EFNA3: variants seen among roughly 807,000 people sequenced by gnomAD.
EFNA3 encodes ephrin-A3.
EFNA3 carries 15 observed loss-of-function variants against 25.0 expected under a neutral mutation model. The observed-to-expected ratio is 0.60, with a 90% CI of 0.40 to 0.92. EFNA3 has a LOEUF of 0.92. Ranked by LOEUF, EFNA3 falls within the 40% of genes least tolerant of loss-of-function variation. The pLI is 0.00. For missense variants in EFNA3, 298 were observed against 323.8 expected, an observed-to-expected ratio of 0.92 and a Z score of 0.61; for synonymous variants, 153 against 145.6, an observed-to-expected ratio of 1.05 and a Z score of -0.37.
In EFNA3 at chr1:155,081,597, CTG is replaced by C. The variant is rs1456363370; in HGVS notation, c.128+2532_128+2533del. 6.6e-6 allele frequency among the ~76,000 whole-genome samples: 1 copy of C among 152,190 alleles called. No homozygotes were observed. The highest frequency in any genetic ancestry group is 1.5e-5 in the Non-Finnish European group (1 of 68,032). On this transcript the variant is annotated intron_variant, in intron 1 of 4. Transcript: ENST00000368408. The surrounding 1 kb of genome is among the most constrained non-coding windows in gnomAD (Gnocchi z 5.2). ...CTACTACGTCCCTGATGGTCTTTCTCTGTGTTTTCTCCCAGTCTCTGAGTCTC... is the reference window on the plus strand; with the variant it reads ...CTACTACGTCCCTGATGGTCTTTCTCTGTTTTCTCCCAGTCTCTGAGTCTC...
intron 1 of EFNA3, among the ~76,000 whole-genome samples, chr1:155,084,289 C>T (rs1416468800): frequency 6.6e-6 from 1 of 152,228 alleles, no homozygotes; most frequent in Non-Finnish European, 1.5e-5. Flanking sequence ...GGGAGCCTAA[C>T]TGTCCTTGGC....
Position 155,079,120 on chromosome 1 carries a change from A to G in EFNA3, c.128+51A>G. 7.9e-7 allele frequency: 1 copy of G among 1,267,180 alleles called. No individual in the cohort carries two copies. Among genetic ancestry groups the G allele is most frequent in the South Asian group, 2.9e-5 (1 of 35,086 alleles). 78.5% of individuals were successfully genotyped at this position (1,267,180 alleles called of 1,614,324 possible). A position where few individuals can be genotyped will look rare whatever the true frequency, so the allele number is the denominator to read the frequency against. ...CGCGTCCCGTCTCAGTGAGAGGGGG[A>G]GCCGGTGGGCCCGAGAAGTCCTGGG... On this transcript the variant is annotated intron_variant, in intron 1 of 4. Transcript: ENST00000368408. This position sits in a 1 kb window ranked among gnomAD's most constrained non-coding sequence, Gnocchi z 7.7.
chr1:155,079,060 C>A lies in EFNA3; in HGVS notation c.119C>A (p.Ser40Tyr). The A allele has an allele frequency of 7.4e-7, 1 of 1,357,322 alleles. No individual in the cohort carries two copies. 84.1% of individuals were successfully genotyped at this position (1,357,322 alleles called of 1,614,324 possible). The change falls in exon 1 of 5, where the codon TCC (serine) becomes TAC (tyrosine). Residue 40 changes from serine (S) to tyrosine (Y), a missense_variant. Physicochemically the swap from Ser to Tyr is moderately radical, Grantham distance 144. Coordinates refer to ENST00000368408, the MANE Select transcript of EFNA3 (RefSeq NM_004952.5). The surrounding 1 kb of genome is among the most constrained non-coding windows in gnomAD (Gnocchi z 7.7). Reference sequence around the variant, plus strand: ...CGGCATGCGGTGTACTGGAACAGCTCCAACCAGCAGTGAGTCGGGGACCCT... The same window carrying A: ...CGGCATGCGGTGTACTGGAACAGCTACAACCAGCAGTGAGTCGGGGACCCT... Reference protein sequence around the residue: ...GNRHAVYWNSSNQHLRREGYT... With the variant: ...GNRHAVYWNSYNQHLRREGYT...
At position 155,086,108 on chromosome 1, in the gene EFNA3, A is replaced by ACCCCCCCCCCCCCCCC; in HGVS notation, c.509-17_509-16insCCCCCCCCCCCCCCCC. On this transcript the variant is annotated intron_variant, in intron 3 of 4. Coordinates refer to ENST00000368408, the MANE Select transcript of EFNA3 (RefSeq NM_004952.5). The stretch of plus-strand genomic sequence containing the variant: ...CCTGACTCTCCCCTCCTCTCTCCCC[A>ACCCCCCCCCCCCCCCC]CCCGCACCCCACCCCGCAGCATCGC... 1 of 973,106 alleles carries ACCCCCCCCCCCCCCCC rather than the reference A, an allele frequency of 1.0e-6. No individual in the cohort carries two copies. Among genetic ancestry groups the ACCCCCCCCCCCCCCCC allele is most frequent in the Non-Finnish European group, 1.5e-6 (1 of 657,894 alleles). The allele number at this position is 973,106 out of a possible 1,614,324, so 60.3% of individuals were successfully genotyped here.
chr1:155,085,164 A>T lies in EFNA3; in HGVS notation c.202A>T (p.Ser68Cys). 6.2e-7 allele frequency: 1 copy of T among 1,613,218 alleles called. No homozygotes were observed. Among genetic ancestry groups the T allele is most frequent in the Non-Finnish European group, 8.5e-7 (1 of 1,179,918 alleles). The change falls in exon 2 of 5, where the codon AGC becomes TGC. Residue 68 changes from serine (S) to cysteine (C), a missense_variant. Physicochemically the swap from Ser to Cys is moderately radical, Grantham distance 112. Coordinates refer to ENST00000368408, the MANE Select transcript of EFNA3 (RefSeq NM_004952.5). The surrounding 1 kb of genome is among the most constrained non-coding windows in gnomAD (Gnocchi z 4.4). The stretch of plus-strand genomic sequence containing the variant: ...GGATATTTACTGCCCGCACTACAAC[A>T]GCTCGGGGGTGGGCCCCGGGGCGGG... ...YLDIYCPHYN[S>C]SGVGPGAGPG...
chr1:155,084,559 C>G (rs1663412829), intron 1 of EFNA3, among the ~76,000 whole-genome samples: 1 of 152,250 alleles, frequency 6.6e-6, no homozygotes, highest in Non-Finnish European at 1.5e-5. Context: ...TCCTGTTGGA[C>G]TGGCCTCCGG....
rs1316865483 is a variant in EFNA3 at position 155,079,411 on chromosome 1, T to C, written c.128+342T>C. On this transcript the variant is annotated intron_variant, in intron 1 of 4. Transcript: ENST00000368408. This position sits in a 1 kb window ranked among gnomAD's most constrained non-coding sequence, Gnocchi z 7.7. ...CTGGGGTTTGGGGGTAGCGCTGTGC[T>C]GGGGATAGGCCGCTGCATTTTGGGG... is the stretch of plus-strand genomic sequence containing the variant. Among the ~76,000 whole-genome samples the C allele has an allele frequency of 6.6e-6, 1 of 152,124 alleles. No individual in the cohort carries two copies. The highest frequency in any genetic ancestry group is 1.5e-5 in the Non-Finnish European group (1 of 68,008).
Position 155,085,500 on chromosome 1 carries a change from G to C in EFNA3, c.442+96G>C. On this transcript the variant is annotated intron_variant, in intron 2 of 4. Transcript: ENST00000368408. The surrounding 1 kb of genome is among the most constrained non-coding windows in gnomAD (Gnocchi z 4.4). ...TAGGCTCCGGGGCGGGGCCGGCGCG[G>C]CGGGCGCCAGGTCTCGCGGCTGAGA... 7.1e-7 allele frequency: 1 copy of C among 1,406,092 alleles called. No homozygotes were observed. The highest frequency in any genetic ancestry group is 2.5e-5 in the East Asian group (1 of 39,620). 87.1% of individuals were successfully genotyped at this position (1,406,092 alleles called of 1,614,324 possible).
At position 155,086,108 on chromosome 1, in the gene EFNA3, A is replaced by ACCCCCCCC; in HGVS notation, c.509-17_509-16insCCCCCCCC. 1 of 973,116 alleles carries ACCCCCCCC rather than the reference A, an allele frequency of 1.0e-6. No homozygotes were observed. The highest frequency in any genetic ancestry group is 1.5e-6 in the Non-Finnish European group (1 of 657,898). The allele number at this position is 973,116 out of a possible 1,614,324, so 60.3% of individuals were successfully genotyped here. Reference sequence around the variant, plus strand: ...CCTGACTCTCCCCTCCTCTCTCCCCACCCGCACCCCACCCCGCAGCATCGC... The same window carrying ACCCCCCCC: ...CCTGACTCTCCCCTCCTCTCTCCCCACCCCCCCCCCCGCACCCCACCCCGCAGCATCGC... On this transcript the variant is annotated intron_variant, in intron 3 of 4. Coordinates refer to ENST00000368408, the MANE Select transcript of EFNA3 (RefSeq NM_004952.5).
At position 155,085,868 on chromosome 1, in the gene EFNA3, C is replaced by T. The variant is rs1212362661; in HGVS notation, c.443-9C>T. On this transcript the variant is annotated splice_polypyrimidine_tract_variant and intron_variant, in intron 2 of 4. Transcript: ENST00000368408. This position sits in a 1 kb window ranked among gnomAD's most constrained non-coding sequence, Gnocchi z 4.4. ...GGCGAAAGTGACTCAGGCCCGGTCT[C>T]CTCCCCAGCCACGCCCACTCACAAC... is the stretch of plus-strand genomic sequence containing the variant. 2.5e-6 allele frequency: 4 copies of T among 1,612,992 alleles called. No individual in the cohort carries two copies. Among genetic ancestry groups the T allele is most frequent in the Non-Finnish European group, 2.5e-6 (3 of 1,179,530 alleles).
chr1:155,079,076 CGGGG>C lies in EFNA3; in HGVS notation c.128+8_128+11del. ...GGAACAGCTCCAACCAGCAGTGAGT[CGGGG>C]ACCCTGGGAGTCCGCGCGTCCCGTC... On this transcript the variant is annotated splice_region_variant and intron_variant, in intron 1 of 4. Transcript: ENST00000368408. The surrounding 1 kb of genome is among the most constrained non-coding windows in gnomAD (Gnocchi z 7.7). 1 of 1,323,782 alleles carries C rather than the reference CGGGG, an allele frequency of 7.6e-7. No homozygotes were observed. Among genetic ancestry groups the C allele is most frequent in the Admixed American group, 4.0e-5 (1 of 24,792 alleles). 82.0% of individuals were successfully genotyped at this position (1,323,782 alleles called of 1,614,324 possible).
intron 4 of EFNA3, 71 bp downstream of exon 4, chr1:155,086,276 T>G: frequency 1.9e-6 from 3 of 1,596,084 alleles, no homozygotes; most frequent in South Asian, 1.1e-5. Context: ...CCTGCTCACC[T>G]CGCATGCCTT....
At position 155,079,152 on chromosome 1, in the gene EFNA3, C is replaced by G. The variant is rs1034554560; in HGVS notation, c.128+83C>G. The G allele has an allele frequency of 2.6e-5, 27 of 1,048,586 alleles. No individual in the cohort carries two copies. In the East Asian group the frequency reaches 2.6e-4, roughly 10 times the overall value. 65.0% of individuals were successfully genotyped at this position (1,048,586 alleles called of 1,614,324 possible). A position where few individuals can be genotyped will look rare whatever the true frequency, so the allele number is the denominator to read the frequency against. ...GGGCCCGAGAAGTCCTGGGGGATCC[C>G]GGGGTGGGAGTCCTGGGAGACCAGA... On this transcript the variant is annotated intron_variant, in intron 1 of 4. Transcript: ENST00000368408. This position sits in a 1 kb window ranked among gnomAD's most constrained non-coding sequence, Gnocchi z 7.7.
chr1:155,085,979 C>A lies in EFNA3; in HGVS notation c.508+37C>A. On this transcript the variant is annotated intron_variant, in intron 3 of 4. Transcript: ENST00000368408. The surrounding 1 kb of genome is among the most constrained non-coding windows in gnomAD (Gnocchi z 4.4). ...AGGCTCCGAGCCGCGCCCCCATCCT[C>A]AGCTCCCTGCTTTGGGGCTCCCCTG... 1 of 1,589,888 alleles carries A rather than the reference C, an allele frequency of 6.3e-7. No individual in the cohort carries two copies. Among genetic ancestry groups the A allele is most frequent in the Non-Finnish European group, 8.6e-7 (1 of 1,168,628 alleles).
chr1:155,084,950 A>G (rs1401251930), intron 1 of EFNA3, 141 bp from the exon 2 acceptor site: 5 of 920,762 alleles, frequency 5.4e-6, no homozygotes, highest in Non-Finnish European at 8.2e-6. Flanking sequence ...CCGGGGGCAG[A>G]GACAGGGCTG....
intron 4 of EFNA3, 29 bp from the exon 5 acceptor site, chr1:155,086,384 C>T (rs1424006893): frequency 3.7e-6 from 6 of 1,612,604 alleles, no homozygotes; most frequent in East Asian, 2.2e-5. Context: ...ACCCAGCCCT[C>T]ACCAGTCTGT....
rs779901314 is a variant in EFNA3 at position 155,086,484 on chromosome 1, G to C, written c.658G>C (p.Glu220Gln). Residue 220 changes from glutamate (E) to glutamine (Q), a missense_variant, in exon 5 of 5, where the codon GAA (glutamate) becomes CAA (glutamine). Coordinates refer to ENST00000368408, the MANE Select transcript of EFNA3 (RefSeq NM_004952.5). ...CATCAGCGGGACCAGCCCCAAACGG[G>C]AACACCTGCCCCTGGCCGTGGGCAT... ...KSISGTSPKR[E>Q]HLPLAVGIAF... 2.5e-6 allele frequency: 4 copies of C among 1,614,096 alleles called. No homozygotes were observed.
intron 1 of EFNA3, among the ~76,000 whole-genome samples, chr1:155,082,182 A>T (rs545763873): frequency 6.6e-6 from 1 of 152,138 alleles, no homozygotes; most frequent in Admixed American, 6.5e-5. Context: ...CGCCGCGCAC[A>T]CGTGGTCCGG....
Position 155,079,840 on chromosome 1 carries a change from G to C in EFNA3, c.128+771G>C, listed in dbSNP as rs887376226. 1.3e-5 allele frequency among the ~76,000 whole-genome samples: 2 copies of C among 152,126 alleles called. No individual in the cohort carries two copies. Among genetic ancestry groups the C allele is most frequent in the Non-Finnish European group, 2.9e-5 (2 of 68,032 alleles). ...TGTCTGCGTCGGCGATCGTCTGGGG[G>C]TGGGAGCGGGCTGCGGGTCGGGGAA... On this transcript the variant is annotated intron_variant, in intron 1 of 4. Coordinates refer to ENST00000368408, the MANE Select transcript of EFNA3 (RefSeq NM_004952.5). This position sits in a 1 kb window ranked among gnomAD's most constrained non-coding sequence, Gnocchi z 7.7.
Sources: allele counts gnomAD v4.1 joint callset (sites outside exome capture counted in the v4.1 genomes callset), GRCh38; gene constraint gnomAD v4.1.1; non-coding constraint Gnocchi (gnomAD v3.1); transcripts MANE v1.5; gene names NCBI Gene and HGNC (gene_info 2026-07-23, HGNC 2026-07-21).